Variants in ITGB5 observed in about 807,000 individuals in gnomAD.
ITGB5 encodes the protein integrin subunit beta 5, also known as integrin beta-5.
Under a neutral mutation model 84.8 loss-of-function variants are expected in ITGB5, and 38 were observed. The observed-to-expected ratio is 0.45, with a 90% CI of 0.35 to 0.59. The LOEUF (loss-of-function observed/expected upper bound fraction) is 0.59, where lower values mean the gene tolerates loss of function less well. Among genes scored for constraint, ITGB5 ranks in the 20% least tolerant of loss-of-function variants. The pLI, the probability that ITGB5 is intolerant of heterozygous loss-of-function variation, is 0.01. For synonymous variants in ITGB5, 393 were observed against 414.4 expected (o/e 0.95, Z 0.63); for missense variants, 905 against 1,034.5 (o/e 0.87, Z 1.72).
intron 3 of ITGB5, among the ~76,000 whole-genome samples, chr3:124,851,593 A>C (rs1399710261): frequency 1.4e-5 from 2 of 144,140 alleles, no homozygotes; most frequent in Non-Finnish European, 3.0e-5. Flanking sequence ...TCTAAGAGAA[A>C]TTGATCAGTA....
At chr3:124,774,092 G>A in intron 10 of ITGB5, among the ~76,000 whole-genome samples, 180 bp from the exon 11 acceptor site, 1 of 152,240 alleles carries the variant, frequency 6.6e-6, no homozygotes, top group East Asian at 1.9e-4. Flanking sequence ...GACAGCAGGG[G>A]ACCCTGGCAG....
At chr3:124,839,176 C>T (rs1185890947) in intron 5 of ITGB5, among the ~76,000 whole-genome samples, 5 of 152,212 alleles carry the variant, frequency 3.3e-5, no homozygotes, top group African/African-American at 1.2e-4. Flanking sequence ...CAGGTATTCC[C>T]TTTTGCAAAG....
intron 10 of ITGB5, among the ~76,000 whole-genome samples, chr3:124,777,343 G>A (rs1358489599): frequency 3.3e-5 from 5 of 152,210 alleles, no homozygotes. Context: ...AGGGGCTGTG[G>A]GACATCAGAA....
At chr3:124,860,541 G>A (rs1444018072) in intron 2 of ITGB5, among the ~76,000 whole-genome samples, 1 of 152,174 alleles carries the variant, frequency 6.6e-6, no homozygotes, top group Non-Finnish European at 1.5e-5. Flanking sequence ...ACACCAGAAG[G>A]TTAAGGTATT....
chr3:124,811,858 T>C (rs2064508467), intron 8 of ITGB5, among the ~76,000 whole-genome samples: 2 of 152,224 alleles, frequency 1.3e-5, no homozygotes, highest in South Asian at 4.1e-4. Flanking sequence ...GGGACCACTC[T>C]GCTGCACAGG....
chr3:124,852,037 C>CCAT (rs1039935968), intron 3 of ITGB5, among the ~76,000 whole-genome samples: 3 of 152,216 alleles, frequency 2.0e-5, no homozygotes, highest in African/African-American at 7.2e-5. Context: ...ACTTCCAGAA[C>CCAT]CATGCACGCT....
Position 124,806,520 on chromosome 3 carries a change from G to A in ITGB5, c.1263+2502C>T, listed in dbSNP as rs567265376. Among the ~76,000 whole-genome samples the A allele has an allele frequency of 3.4e-4, 45 of 132,386 alleles. No homozygotes were observed. In the East Asian group the frequency reaches 0.011, roughly 32 times the overall value. 86.9% of individuals were successfully genotyped at this position (132,386 alleles called of 152,430 possible). ...GCGATCTCGGCTCACTGCAAGCTCC[G>A]CCTCCCGGGTTCATGCCATTCTCCT... On this transcript the variant is annotated intron_variant, in intron 9 of 14. Coordinates refer to ENST00000296181, the MANE Select transcript of ITGB5 (RefSeq NM_002213.5).
chr3:124,846,341 A>G (rs1187862879), intron 4 of ITGB5, among the ~76,000 whole-genome samples: 1 of 152,024 alleles, frequency 6.6e-6, no homozygotes, highest in East Asian at 1.9e-4. Flanking sequence ...ATGGCATCAC[A>G]AGATGGAAGG....
chr3:124,802,143 G>A (rs2064324992), intron 9 of ITGB5, among the ~76,000 whole-genome samples: 1 of 152,202 alleles, frequency 6.6e-6, no homozygotes, highest in Non-Finnish European at 1.5e-5. Context: ...TCCTCTGCAT[G>A]TTATTTCCTC....
chr3:124,845,388 C>T (rs899478906), intron 4 of ITGB5, among the ~76,000 whole-genome samples: 3 of 152,334 alleles, frequency 2.0e-5, no homozygotes, highest in Middle Eastern at 3.4e-3. Flanking sequence ...GCTGCCTGGA[C>T]GTGGGGAGAC....
Position 124,873,543 on chromosome 3 carries a change from G to T in ITGB5, c.71-12C>A. ...GCATATGTTGAGACCTTTAAAGCAAGATAAAGATGCACTAATTAGTTCCTG... is the reference window on the plus strand; with the variant it reads ...GCATATGTTGAGACCTTTAAAGCAATATAAAGATGCACTAATTAGTTCCTG... On this transcript the variant is annotated splice_polypyrimidine_tract_variant and intron_variant, in intron 1 of 14. Coordinates refer to ENST00000296181, the MANE Select transcript of ITGB5 (RefSeq NM_002213.5). 1 of 1,590,056 alleles carries T rather than the reference G, an allele frequency of 6.3e-7. No individual in the cohort carries two copies. Among genetic ancestry groups the T allele is most frequent in the Non-Finnish European group, 8.6e-7 (1 of 1,158,128 alleles).
At chr3:124,801,466 C>T (rs144750797) in intron 9 of ITGB5, among the ~76,000 whole-genome samples, 1 of 152,314 alleles carries the variant, frequency 6.6e-6, no homozygotes, top group African/African-American at 2.4e-5. Context: ...ACCCAGAGCA[C>T]ACAGGGTTGT....
chr3:124,795,478 G>C (rs888624274), intron 10 of ITGB5, among the ~76,000 whole-genome samples: 4 of 151,230 alleles, frequency 2.6e-5, no homozygotes, highest in Non-Finnish European at 5.9e-5. Context: ...AACAGAGTGA[G>C]ACTCCATCTC....
chr3:124,865,433 A>G (rs904829035), intron 2 of ITGB5, among the ~76,000 whole-genome samples: 16 of 151,090 alleles, frequency 1.1e-4, no homozygotes, highest in African/African-American at 3.6e-4. Context: ...AAAGGGGAAA[A>G]GCAGCAGAAT....
chr3:124,861,491 T>TACACAC (rs1168034132), intron 2 of ITGB5, among the ~76,000 whole-genome samples: 1 of 76,350 alleles, frequency 1.3e-5, no homozygotes, highest in African/African-American at 7.2e-5. Flanking sequence ...CATATATATA[T>TACACAC]ATATACACAC....
In ITGB5 at chr3:124,873,445, C is replaced by T. The variant is rs1183120164; in HGVS notation, c.156+1G>A. 2.5e-6 allele frequency: 4 copies of T among 1,606,376 alleles called. No individual in the cohort carries two copies. In the Admixed American group the frequency reaches 5.0e-5, roughly 20 times the overall value. ...CTTCCTCCCCTCCCCCACCTACATA[C>T]CTCTTTGGAGCACCAGGCACATTTT... On this transcript the variant is annotated splice_donor_variant, in intron 2 of 14. Coordinates refer to ENST00000296181, the MANE Select transcript of ITGB5 (RefSeq NM_002213.5). LOFTEE classifies it high-confidence loss of function.
intron 5 of ITGB5, among the ~76,000 whole-genome samples, chr3:124,834,683 AG>A (rs2064908312): frequency 6.6e-6 from 1 of 151,648 alleles, no homozygotes; most frequent in South Asian, 2.1e-4. Context: ...GGAGGAAAGA[AG>A]GAAGGAAGGA....
intron 10 of ITGB5, among the ~76,000 whole-genome samples, chr3:124,776,430 C>T (rs1006019636): frequency 6.6e-6 from 1 of 152,204 alleles, no homozygotes; most frequent in Admixed American, 6.5e-5. Context: ...CCCCACCCCC[C>T]CAACATTTTG....
intron 10 of ITGB5, among the ~76,000 whole-genome samples, chr3:124,779,987 G>C (rs946237564): frequency 6.6e-6 from 1 of 152,196 alleles, no homozygotes; most frequent in Non-Finnish European, 1.5e-5. Flanking sequence ...GGAGCTGCTC[G>C]GCCAGTCTGA....
Sources: gnomAD v4.1 joint callset for allele counts (sites outside exome capture counted in the v4.1 genomes callset) on GRCh38, gnomAD v4.1.1 for gene constraint, MANE v1.5 for transcripts, NCBI Gene and HGNC (gene_info 2026-07-23, HGNC 2026-07-21) for gene names.